The following PMP22 variants were observed in gnomAD, a reference collection of about 807,000 sequenced individuals.
PMP22 encodes the protein Charcot-Marie-Tooth neuropathy 1A (greatly reduced nerve conduction velocity, hereditary motor sensory neuropathy Ia).
In PMP22, 2 loss-of-function variants were observed where a neutral mutation model predicts 18.9. The ratio of observed to expected loss-of-function variants is 0.11; its 90% CI spans 0.04 to 0.33. The LOEUF (loss-of-function observed/expected upper bound fraction) is 0.33, where lower values mean the gene tolerates loss of function less well. Among genes scored for constraint, PMP22 ranks in the 10% least tolerant of loss-of-function variants. The pLI, the probability that PMP22 is intolerant of heterozygous loss-of-function variation, is 1.00. For missense variants in PMP22, 169 were observed against 202.2 expected, an observed-to-expected ratio of 0.84 and a Z score of 1.00; for synonymous variants, 95 against 89.2, an observed-to-expected ratio of 1.07 and a Z score of -0.37.
intron 2 of PMP22, chr17:15,260,317 C>T (rs1274601267): frequency 5.5e-6 from 2 of 363,262 alleles, no homozygotes; most frequent in East Asian, 1.1e-4. Context: ...CATAAATACT[C>T]CTCTTCTTCA....
intron 2 of PMP22, 81 bp from the exon 3 acceptor site, chr17:15,259,274 T>G: frequency 2.5e-5 from 28 of 1,098,432 alleles, no homozygotes; most frequent in Non-Finnish European, 3.6e-5. Context: ...GGCCCAGGGA[T>G]GGCGAAAAGC....
chr17:15,260,794 G>T, intron 1 of PMP22, 33 bp from the exon 2 acceptor site: 2 of 1,379,930 alleles, frequency 1.4e-6, no homozygotes, highest in Non-Finnish European at 2.0e-6. Flanking sequence ...GAGGCCGAAC[G>T]CACTGGGCCG....
At chr17:15,245,476 AC>A (rs983514486) in intron 3 of PMP22, among the ~76,000 whole-genome samples, 1 of 152,170 alleles carries the variant, frequency 6.6e-6, no homozygotes, top group Non-Finnish European at 1.5e-5. Context: ...CTAACTTGCC[AC>A]ATACATTTTT....
intron 3 of PMP22, among the ~76,000 whole-genome samples, chr17:15,254,780 A>G (rs1908683413): frequency 6.6e-6 from 1 of 152,100 alleles, no homozygotes; most frequent in African/African-American, 2.4e-5. Context: ...CAACATGGAG[A>G]AAGCCCGTCT....
intron 3 of PMP22, among the ~76,000 whole-genome samples, chr17:15,243,930 C>T (rs1313542521): frequency 4.0e-5 from 6 of 151,730 alleles, no homozygotes. Flanking sequence ...ACTTTGGAAG[C>T]ATACATGTAA....
chr17:15,236,062 C>T (rs893278796), intron 4 of PMP22, among the ~76,000 whole-genome samples: 1 of 148,890 alleles, frequency 6.7e-6, no homozygotes, highest in African/African-American at 2.5e-5. Context: ...GCCCCGCCCA[C>T]TGTCTTTTTT....
rs533017621 is a variant in PMP22, at chr17:15,237,058, G to A, written c.319+2413C>T. ...GAGACGTAAGCAGCTAGATGTAAAG[G>A]GGATAAAGAGGACAAAGTCATGCGC... is the stretch of plus-strand genomic sequence containing the variant. On this transcript the variant is annotated intron_variant, in intron 4 of 4. Coordinates refer to ENST00000312280, the MANE Select transcript of PMP22 (RefSeq NM_000304.4). Among the ~76,000 whole-genome samples the A allele has an allele frequency of 3.3e-5, 5 of 152,206 alleles. No individual in the cohort carries two copies. In the South Asian group the frequency reaches 1.0e-3, roughly 32 times the overall value.
In PMP22 at chr17:15,259,089, C is replaced by T. The variant is rs1909076763; in HGVS notation, c.178+5G>A. On this transcript the variant is annotated splice_donor_5th_base_variant and intron_variant, in intron 3 of 4. Transcript: ENST00000312280. ...CAAGCTCATGGAGCACAAAACCAGC[C>T]TCACCGTTTGGTGATGATGAGAAAC... 1 of 1,600,190 alleles carries T rather than the reference C, an allele frequency of 6.2e-7. No individual in the cohort carries two copies. Among genetic ancestry groups the T allele is most frequent in the Non-Finnish European group, 8.6e-7 (1 of 1,167,306 alleles).
intron 2 of PMP22, 79 bp from the exon 3 acceptor site, chr17:15,259,272 G>A (rs544909623): frequency 1.2e-5 from 15 of 1,217,164 alleles, no homozygotes; most frequent in South Asian, 1.1e-4. Flanking sequence ...AAGGCCCAGG[G>A]ATGGCGAAAA....
At chr17:15,236,850 A>G (rs1259166598) in intron 4 of PMP22, among the ~76,000 whole-genome samples, 1 of 152,232 alleles carries the variant, frequency 6.6e-6, no homozygotes, top group Non-Finnish European at 1.5e-5. Context: ...CCAGTGCAAC[A>G]TCCTAGAGAT....
At chr17:15,247,825 C>A (rs989579916) in intron 3 of PMP22, among the ~76,000 whole-genome samples, 57 of 152,246 alleles carry the variant, frequency 3.7e-4, no homozygotes, top group African/African-American at 1.3e-3. Context: ...TCAGAAGAGA[C>A]CTTGGAGAGG....
intron 4 of PMP22, chr17:15,235,405 A>G (rs1042332451): frequency 2.2e-5 from 15 of 696,852 alleles, no homozygotes; most frequent in Non-Finnish European, 3.4e-5. Context: ...AAAACGTGCA[A>G]ATCTTCCTTT....
At chr17:15,243,473 AAACAC>A (rs1462606980) in intron 3 of PMP22, among the ~76,000 whole-genome samples, 1 of 151,868 alleles carries the variant, frequency 6.6e-6, no homozygotes, top group Non-Finnish European at 1.5e-5. Context: ...AATTTGAAGT[AAACAC>A]AACAGCAACT....
intron 3 of PMP22, among the ~76,000 whole-genome samples, chr17:15,249,654 T>G (rs567015117): frequency 6.6e-6 from 1 of 152,302 alleles, no homozygotes; most frequent in South Asian, 2.1e-4. Flanking sequence ...GAAGAGGCCC[T>G]GCTTATGCAG....
chr17:15,239,642 C>T (rs748511281), intron 3 of PMP22, 31 bp from the exon 4 acceptor site: 15 of 1,612,902 alleles, frequency 9.3e-6, no homozygotes, highest in Non-Finnish European at 1.3e-5. Flanking sequence ...GTTAGGAGAG[C>T]TGGCCATGGC....
chr17:15,260,990 C>T (rs1342126271), intron 1 of PMP22: 1 of 293,928 alleles, frequency 3.4e-6, no homozygotes, highest in Non-Finnish European at 6.1e-6. Flanking sequence ...CCGCCTGCAA[C>T]GGAACATCTT....
rs968781773 is a variant in PMP22, at chr17:15,230,702, G to A, written c.*215C>T. ...CAACATAAAAAGCAAACAATACTAT[G>A]TACATATATGTAAAAAGTGTTATAA... On this transcript the variant is annotated 3_prime_UTR_variant, in exon 5 of 5. Transcript: ENST00000312280. The A allele has an allele frequency of 1.5e-5, 9 of 586,988 alleles. No individual in the cohort carries two copies. Among genetic ancestry groups the A allele is most frequent in the Non-Finnish European group, 2.7e-5 (9 of 330,226 alleles). The allele number at this position is 586,988 out of a possible 1,614,324, so 36.4% of individuals were successfully genotyped here. A position where few individuals can be genotyped will look rare whatever the true frequency, so the allele number is the denominator to read the frequency against.
At chr17:15,241,266 T>C (rs1656600040) in intron 3 of PMP22, among the ~76,000 whole-genome samples, 1 of 152,234 alleles carries the variant, frequency 6.6e-6, no homozygotes. Flanking sequence ...CTTAATCAAA[T>C]GTTTGTCTTT....
At position 15,230,656 on chromosome 17, in the gene PMP22, G is replaced by T. The variant is rs1011877584; in HGVS notation, c.*261C>A. 1 of 498,518 alleles carries T rather than the reference G, an allele frequency of 2.0e-6. No individual in the cohort carries two copies. The highest frequency in any genetic ancestry group is 3.6e-6 in the Non-Finnish European group (1 of 274,496). The allele number at this position is 498,518 out of a possible 1,614,324, so 30.9% of individuals were successfully genotyped here. ...AAAGTTCCTTAGCTACTTCTTTAAG[G>T]CTCAACACGAGGCTGATGGTCAACA... is the stretch of plus-strand genomic sequence containing the variant. On this transcript the variant is annotated 3_prime_UTR_variant, in exon 5 of 5. Transcript: ENST00000312280.
Sources: allele counts gnomAD v4.1 joint callset (sites outside exome capture counted in the v4.1 genomes callset), GRCh38; gene constraint gnomAD v4.1.1; transcripts MANE v1.5; gene names NCBI Gene and HGNC (gene_info 2026-07-23, HGNC 2026-07-21).